AIM2: variants seen among roughly 807,000 people sequenced by gnomAD.
AIM2 encodes interferon-inducible protein AIM2.
A neutral mutation model predicts 27.7 loss-of-function variants in AIM2; 30 were observed. The observed-to-expected ratio is 1.08, with a 90% confidence interval of 0.81 to 1.47. The LOEUF (loss-of-function observed/expected upper bound fraction) is 1.47, where lower values mean the gene tolerates loss of function less well. AIM2 is among the 40% of genes most tolerant of loss of function. The pLI, the probability that AIM2 is intolerant of heterozygous loss-of-function variation, is 0.00. For missense variants in AIM2, 358 were observed against 411.3 expected (o/e 0.87, Z 1.12); for synonymous variants, 141 against 145.3 (o/e 0.97, Z 0.21).
intron 1 of AIM2, among the ~76,000 whole-genome samples, chr1:159,102,907 C>A (rs1414311629): frequency 6.6e-6 from 1 of 152,142 alleles, no homozygotes; most frequent in Non-Finnish European, 1.5e-5. Context: ...TGGGTTAATG[C>A]TGAAATGAGT....
At chr1:159,083,534 C>T (rs1176874131) in intron 1 of AIM2, among the ~76,000 whole-genome samples, 3 of 152,072 alleles carry the variant, frequency 2.0e-5, no homozygotes, top group South Asian at 4.1e-4. Context: ...AAATTTAAAA[C>T]ATAAATAGCT....
upstream of AIM2, among the ~76,000 whole-genome samples, chr1:159,140,923 A>G (rs1648099238): frequency 6.6e-6 from 1 of 152,222 alleles, no homozygotes; most frequent in Non-Finnish European, 1.5e-5. Flanking sequence ...TTCACAGTAA[A>G]TAGCATTTAA....
intron 4 of AIM2, 78 bp downstream of exon 4, chr1:159,065,831 AT>A: frequency 7.0e-7 from 1 of 1,438,616 alleles, no homozygotes; most frequent in East Asian, 2.3e-5. Flanking sequence ...CATTAAAACC[AT>A]TTCCAAAGTT....
chr1:159,143,064 G>A (rs1015402043), upstream of AIM2, among the ~76,000 whole-genome samples: 1 of 152,170 alleles, frequency 6.6e-6, no homozygotes, highest in African/African-American at 2.4e-5. Flanking sequence ...TCTAACCTGT[G>A]AGGCCAGGTG....
At chr1:159,129,646 A>G (rs530095560) in intron 1 of AIM2, among the ~76,000 whole-genome samples, 5 of 152,246 alleles carry the variant, frequency 3.3e-5, no homozygotes, top group Non-Finnish European at 7.3e-5. Flanking sequence ...GAGGCTGTGT[A>G]GGAATTAAAT....
At chr1:159,121,739 C>T (rs182209620) in intron 1 of AIM2, among the ~76,000 whole-genome samples, 1 of 152,258 alleles carries the variant, frequency 6.6e-6, no homozygotes, top group East Asian at 1.9e-4. Context: ...CAGAACTAAA[C>T]AAGAAACTGA....
At chr1:159,107,833 A>T (rs1657483975) in intron 1 of AIM2, among the ~76,000 whole-genome samples, 1 of 152,202 alleles carries the variant, frequency 6.6e-6, no homozygotes, top group Non-Finnish European at 1.5e-5. Flanking sequence ...GGAAAGATGT[A>T]ACTCTCCTAG....
upstream of AIM2, among the ~76,000 whole-genome samples, chr1:159,078,692 C>T (rs1656698180): frequency 6.6e-6 from 1 of 152,160 alleles, no homozygotes; most frequent in African/African-American, 2.4e-5. Context: ...AGATACCCAA[C>T]TTGGTGACAC....
At chr1:159,105,243 A>G (rs1657412294) in intron 1 of AIM2, among the ~76,000 whole-genome samples, 2 of 152,194 alleles carry the variant, frequency 1.3e-5, no homozygotes, top group Non-Finnish European at 2.9e-5. Context: ...CTACGACTGG[A>G]CCAGACGTAC....
At chr1:159,098,194 A>G (rs766284535) in intron 1 of AIM2, among the ~76,000 whole-genome samples, 3 of 152,156 alleles carry the variant, frequency 2.0e-5, no homozygotes, top group Non-Finnish European at 2.9e-5. Context: ...CTCACCATGG[A>G]AAAGAATAAC....
At chr1:159,140,091 A>G (rs1648082405) in intron 1 of AIM2, among the ~76,000 whole-genome samples, 1 of 152,046 alleles carries the variant, frequency 6.6e-6, no homozygotes, top group Non-Finnish European at 1.5e-5. Flanking sequence ...CTTTCAGGCG[A>G]GGGCTTAAAG....
chr1:159,078,509 A>G (rs1434128204), upstream of AIM2, among the ~76,000 whole-genome samples: 1 of 152,220 alleles, frequency 6.6e-6, no homozygotes, highest in African/African-American at 2.4e-5. Context: ...AGAACCCAAC[A>G]AGCACCAACC....
At chr1:159,109,255 A>G (rs1657516566) in intron 1 of AIM2, among the ~76,000 whole-genome samples, 1 of 152,104 alleles carries the variant, frequency 6.6e-6, no homozygotes, top group African/African-American at 2.4e-5. Flanking sequence ...AATAAACCCA[A>G]ATACTTACAG....
intron 1 of AIM2, among the ~76,000 whole-genome samples, chr1:159,119,030 T>C (rs1647459365): frequency 1.3e-5 from 2 of 152,146 alleles, no homozygotes; most frequent in Admixed American, 1.3e-4. Flanking sequence ...TGGCATTACA[T>C]ATCTCTCACA....
At chr1:159,058,602 T>C (rs1655729497), downstream of AIM2, among the ~76,000 whole-genome samples, 1 of 151,998 alleles carries the variant, frequency 6.6e-6, no homozygotes, top group Non-Finnish European at 1.5e-5. Context: ...GGTGGGGGCA[T>C]GATTTCCCCT....
chr1:159,091,991 G>A (rs1376501531), intron 1 of AIM2, among the ~76,000 whole-genome samples: 1 of 152,186 alleles, frequency 6.6e-6, no homozygotes, highest in African/African-American at 2.4e-5. Context: ...CCTAAACATA[G>A]TCCTATTTCT....
At chr1:159,103,029 CA>C (rs780599794) in intron 1 of AIM2, among the ~76,000 whole-genome samples, 1 of 152,114 alleles carries the variant, frequency 6.6e-6, no homozygotes, top group African/African-American at 2.4e-5. Context: ...GGTCCCCACC[CA>C]AATCTCATCT....
At chr1:159,129,728 T>C (rs1159767273) in intron 1 of AIM2, among the ~76,000 whole-genome samples, 1 of 152,270 alleles carries the variant, frequency 6.6e-6, no homozygotes, top group Non-Finnish European at 1.5e-5. Context: ...TCATTATCTC[T>C]GACTGCCTCC....
chr1:159,056,120 C>T, the AIM2 span, among the ~76,000 whole-genome samples: 1 of 152,138 alleles, frequency 6.6e-6, no homozygotes, highest in Non-Finnish European at 1.5e-5. Context: ...GTTAGGCTCG[C>T]AGACAATTTG....
Sources: gnomAD v4.1 joint callset for allele counts (sites outside exome capture counted in the v4.1 genomes callset) on GRCh38, gnomAD v4.1.1 for gene constraint, MANE v1.5 for transcripts, NCBI Gene and HGNC (gene_info 2026-07-23, HGNC 2026-07-21) for gene names.